Variants in ADAMTS12 observed in about 807,000 individuals in gnomAD.
ADAMTS12 encodes A disintegrin and metalloproteinase with thrombospondin motifs 12.
ADAMTS12 carries 118 observed loss-of-function variants against 167.8 expected under a neutral mutation model. The observed-to-expected ratio is 0.70, with a 90% CI of 0.61 to 0.82. The LOEUF (loss-of-function observed/expected upper bound fraction) is 0.82. Among genes scored for constraint, ADAMTS12 ranks in the 40% least tolerant of loss-of-function variants. ADAMTS12 has a pLI of 0.00. For synonymous variants in ADAMTS12, 704 were observed against 716.9 expected, an observed-to-expected ratio of 0.98 and a Z score of 0.29; for missense variants, 1,916 against 1,998.8, an observed-to-expected ratio of 0.96 and a Z score of 0.79.
At chr5:33,691,463 T>C (rs1171339472) in intron 3 of ADAMTS12, among the ~76,000 whole-genome samples, 1 of 152,206 alleles carries the variant, frequency 6.6e-6, no homozygotes, top group Admixed American at 6.5e-5. Flanking sequence ...AGCAAAGTCT[T>C]ATCCAGGAAC....
At chr5:33,819,760 T>C (rs140494919) in intron 2 of ADAMTS12, among the ~76,000 whole-genome samples, 26 of 152,168 alleles carry the variant, frequency 1.7e-4, no homozygotes, top group African/African-American at 5.5e-4. Context: ...TAAGGAGCCA[T>C]CTCATCTGGG....
intron 17 of ADAMTS12, among the ~76,000 whole-genome samples, chr5:33,591,429 G>C (rs1160735671): frequency 3.3e-5 from 5 of 152,108 alleles, no homozygotes; most frequent in Non-Finnish European, 7.4e-5. Context: ...TTTCCTTTAA[G>C]AAATCAAATT....
intron 2 of ADAMTS12, among the ~76,000 whole-genome samples, chr5:33,798,188 ATT>A (rs879896541): frequency 1.4e-5 from 2 of 146,572 alleles, no homozygotes; most frequent in African/African-American, 5.0e-5. Context: ...CTCTCATGAC[ATT>A]TTTTTTTTTT....
intron 23 of ADAMTS12, among the ~76,000 whole-genome samples, chr5:33,534,391 C>T (rs1561105968): frequency 6.6e-6 from 1 of 152,182 alleles, no homozygotes; most frequent in Non-Finnish European, 1.5e-5. Context: ...CCCTTGCACA[C>T]ACACTTTCAC....
chr5:33,648,909 C>G lies in ADAMTS12; in HGVS notation c.1392G>C (p.Lys464Asn). The change falls in exon 9 of 24, where the codon AAG (lysine) becomes AAC (asparagine). Residue 464 changes from lysine to asparagine, a missense_variant. Coordinates refer to ENST00000504830, the MANE Select transcript of ADAMTS12 (RefSeq NM_030955.4). ...CATAGATCACTCCGGGGGCAATGAC[C>G]TTGGACTTCAAGCCTTTCTTTTTAG... ...DIPKKKGLKS[K>N]VIAPGVIYDV... 1 of 1,614,060 alleles carries G rather than the reference C, an allele frequency of 6.2e-7. No homozygotes were observed. The highest frequency in any genetic ancestry group is 8.5e-7 in the Non-Finnish European group (1 of 1,179,960).
At chr5:33,663,000 C>T (rs535042954) in intron 5 of ADAMTS12, among the ~76,000 whole-genome samples, 6 of 152,314 alleles carry the variant, frequency 3.9e-5, no homozygotes, top group African/African-American at 1.4e-4. Flanking sequence ...GCTTCTCTAC[C>T]ATTCTGTATT....
intron 2 of ADAMTS12, among the ~76,000 whole-genome samples, chr5:33,812,331 G>A (rs530223021): frequency 1.3e-5 from 2 of 152,288 alleles, no homozygotes; most frequent in Admixed American, 6.5e-5. Context: ...TAGGACAGAT[G>A]TTGATGGGAG....
chr5:33,704,532 T>A (rs1743118024), intron 3 of ADAMTS12, among the ~76,000 whole-genome samples: 1 of 152,190 alleles, frequency 6.6e-6, no homozygotes, highest in South Asian at 2.1e-4. Context: ...TTTTTGATAA[T>A]ACCCCACCTA....
At chr5:33,850,171 A>T (rs1351971797) in intron 2 of ADAMTS12, among the ~76,000 whole-genome samples, 1 of 152,020 alleles carries the variant, frequency 6.6e-6, no homozygotes, top group East Asian at 1.9e-4. Flanking sequence ...CACCCTTACC[A>T]CGAGCGTCTA....
chr5:33,734,187 AG>A (rs1744288494), intron 3 of ADAMTS12, among the ~76,000 whole-genome samples: 1 of 152,236 alleles, frequency 6.6e-6, no homozygotes, highest in Admixed American at 6.5e-5. Context: ...TTCTAAAAGC[AG>A]GAACGTGTTC....
chr5:33,707,629 A>G (rs535633477), intron 3 of ADAMTS12, among the ~76,000 whole-genome samples: 2 of 152,296 alleles, frequency 1.3e-5, no homozygotes, highest in East Asian at 3.9e-4. Flanking sequence ...AACACAACAG[A>G]GGCCTCAGAA....
At chr5:33,543,760 C>T (rs755159561) in intron 22 of ADAMTS12, among the ~76,000 whole-genome samples, 6 of 152,192 alleles carry the variant, frequency 3.9e-5, no homozygotes, top group Non-Finnish European at 7.3e-5. Flanking sequence ...ACAACAAAAA[C>T]CACATGATTG....
intron 11 of ADAMTS12, among the ~76,000 whole-genome samples, chr5:33,638,314 TA>T (rs1471360840): frequency 2.0e-5 from 3 of 152,210 alleles, no homozygotes; most frequent in Non-Finnish European, 4.4e-5. Flanking sequence ...TGACCTTAAT[TA>T]TTTTAGTTCC....
intron 2 of ADAMTS12, among the ~76,000 whole-genome samples, chr5:33,805,031 G>A (rs144234753): frequency 1.3e-5 from 2 of 152,312 alleles, no homozygotes; most frequent in East Asian, 3.9e-4. Flanking sequence ...TCATGAGAGT[G>A]AGCATCATGA....
rs2111832114 is a variant in ADAMTS12, at chr5:33,549,385, TG to T, written c.4126-3del. ...GCCCCCACTGCAGTTTCTGGAGCAC[TG>T]TATGGAGAGAAAAATCAAAGGCGAT... On this transcript the variant is annotated splice_polypyrimidine_tract_variant and splice_region_variant and intron_variant, in intron 20 of 23. Coordinates refer to ENST00000504830, the MANE Select transcript of ADAMTS12 (RefSeq NM_030955.4). The T allele has an allele frequency of 3.7e-6, 6 of 1,605,056 alleles. No individual in the cohort carries two copies. The South Asian group carries it at 5.5e-5, about 15-fold the overall frequency.
intron 3 of ADAMTS12, among the ~76,000 whole-genome samples, chr5:33,720,669 C>G (rs6875938): frequency 0.026 from 3,913 of 152,234 alleles, 156 homozygotes; most frequent in African/African-American, 0.089. Flanking sequence ...ATTCCATGTG[C>G]AGTTTGTCAT....
chr5:33,785,486 T>G (rs1357001057), intron 2 of ADAMTS12, among the ~76,000 whole-genome samples: 1 of 152,072 alleles, frequency 6.6e-6, no homozygotes. Context: ...TGTGTGTGCA[T>G]GTATGCTCAA....
At chr5:33,807,751 T>C (rs549241779) in intron 2 of ADAMTS12, among the ~76,000 whole-genome samples, 2 of 152,318 alleles carry the variant, frequency 1.3e-5, no homozygotes, top group East Asian at 3.9e-4. Flanking sequence ...ATTACATACA[T>C]ACCTGGGCAA....
At chr5:33,739,468 T>A (rs1198863958) in intron 3 of ADAMTS12, among the ~76,000 whole-genome samples, 1 of 152,152 alleles carries the variant, frequency 6.6e-6, no homozygotes, top group Admixed American at 6.5e-5. Flanking sequence ...TATGTGTATG[T>A]GTATGTGCAT....
Sources: gnomAD v4.1 joint callset for allele counts (sites outside exome capture counted in the v4.1 genomes callset) on GRCh38, gnomAD v4.1.1 for gene constraint, MANE v1.5 for transcripts, NCBI Gene and HGNC (gene_info 2026-07-23, HGNC 2026-07-21) for gene names.